The following ZNF518A variants were observed in gnomAD, a reference collection of about 807,000 sequenced individuals.
The protein encoded by ZNF518A is zinc finger protein 518A, also known as zinc finger protein 518.
ZNF518A carries 47 observed loss-of-function variants against 102.7 expected under a neutral mutation model. That is an observed-to-expected ratio of 0.46 (90% CI 0.36 to 0.58). The LOEUF is 0.58. Ranked by LOEUF, ZNF518A falls within the 20% of genes least tolerant of loss-of-function variation. ZNF518A has a pLI of 0.00. For missense variants in ZNF518A, 1,793 were observed against 1,699.8 expected (o/e 1.05, Z -0.96); for synonymous variants, 652 against 594.6 (o/e 1.10, Z -1.40).
chr10:96,194,209 C>T (rs1281755100), intron 1 of ZNF518A, among the ~76,000 whole-genome samples: 2 of 152,148 alleles, frequency 1.3e-5, no homozygotes, highest in Non-Finnish European at 2.9e-5. Flanking sequence ...AGCTTCTTCA[C>T]CCACCCTTAA....
chr10:96,159,273 A>C lies in ZNF518A; in HGVS notation c.2951A>C (p.Asn984Thr), dbSNP rs1164017957. The change falls in exon 6 of 6, where the codon AAT (asparagine) becomes ACT (threonine). Residue 984 changes from asparagine to threonine, a missense_variant. Around this residue, in one of 3 missense-constraint regions of ZNF518A, gnomAD observed 1,741 missense variants for 1,622.6 expected, o/e 1.07. Transcript: ENST00000316045. ...KKPGMVLTLNNGKLEGVSAVK... is the reference protein window; with the variant it reads ...KKPGMVLTLNTGKLEGVSAVK... The stretch of plus-strand genomic sequence containing the variant: ...CCTGGGATGGTTTTAACACTTAATA[A>C]TGGGAAACTTGAAGGTGTTTCCGCT... The C allele has an allele frequency of 1.2e-6, 2 of 1,613,330 alleles. No individual in the cohort carries two copies. The highest frequency in any genetic ancestry group is 1.7e-6 in the Non-Finnish European group (2 of 1,179,720).
intron 1 of ZNF518A, among the ~76,000 whole-genome samples, chr10:96,182,637 T>A (rs2083246828): frequency 6.6e-6 from 1 of 152,242 alleles, no homozygotes; most frequent in Non-Finnish European, 1.5e-5. Flanking sequence ...TTTGCTGATT[T>A]GCATATGTTG....
downstream of ZNF518A, among the ~76,000 whole-genome samples, chr10:96,167,451 CAAAAT>C (rs1401085801): frequency 6.6e-5 from 10 of 152,038 alleles, no homozygotes; most frequent in African/African-American, 2.4e-4. Flanking sequence ...GACTCCACCT[CAAAAT>C]AAATAAGTAA....
chr10:96,143,295 A>G (rs1222938460), intron 3 of ZNF518A, among the ~76,000 whole-genome samples: 1 of 152,138 alleles, frequency 6.6e-6, no homozygotes, highest in Non-Finnish European at 1.5e-5. Context: ...TTCTTAAATT[A>G]ACAATTGCTT....
chr10:96,130,552 C>T lies in ZNF518A; in HGVS notation c.-653C>T, dbSNP rs2081277570. 1 of 152,406 alleles carries T rather than the reference C, an allele frequency of 6.6e-6. No individual in the cohort carries two copies. Among genetic ancestry groups the T allele is most frequent in the African/African-American group, 2.4e-5 (1 of 41,472 alleles). The allele number at this position is 152,406 out of a possible 1,614,324, so 9.4% of individuals were successfully genotyped here. On this transcript the variant is annotated 5_prime_UTR_variant, in exon 1 of 6. Coordinates refer to ENST00000316045, the MANE Select transcript of ZNF518A (RefSeq NM_001330736.2). The stretch of plus-strand genomic sequence containing the variant: ...TTGGGGCGAAGCTGGGCGCGCGGCG[C>T]TCGAAGCACTCACTCGGCGGGTTTC...
intron 1 of ZNF518A, among the ~76,000 whole-genome samples, chr10:96,170,958 A>G (rs1174890735): frequency 1.3e-5 from 2 of 152,168 alleles, no homozygotes; most frequent in East Asian, 1.9e-4. Flanking sequence ...CAAAAAGCAC[A>G]TGAAAAGATG....
At chr10:96,140,187 A>G (rs1293479570) in intron 3 of ZNF518A, among the ~76,000 whole-genome samples, 1 of 152,124 alleles carries the variant, frequency 6.6e-6, no homozygotes, top group Non-Finnish European at 1.5e-5. Context: ...GGAATTGACC[A>G]GGCTTGCTTA....
intron 1 of ZNF518A, chr10:96,189,938 G>A: frequency 1.0e-6 from 1 of 964,188 alleles, no homozygotes; most frequent in Admixed American, 1.7e-5. Flanking sequence ...CACTGGTGGT[G>A]TTATTTCAAA....
chr10:96,184,260 G>A (rs2083257885), intron 1 of ZNF518A, among the ~76,000 whole-genome samples: 2 of 151,776 alleles, frequency 1.3e-5, no homozygotes, highest in African/African-American at 4.9e-5. Flanking sequence ...TATCCAATTT[G>A]CCAGTCTGTG....
intron 1 of ZNF518A, among the ~76,000 whole-genome samples, chr10:96,176,869 C>T (rs2083207694): frequency 6.6e-6 from 1 of 152,134 alleles, no homozygotes; most frequent in African/African-American, 2.4e-5. Context: ...TGCATTCCAG[C>T]CTGGGTGACA....
Position 96,157,975 on chromosome 10 carries a change from T to A in ZNF518A, c.1653T>A (p.Ser551=), listed in dbSNP as rs781875453. 5 of 1,613,818 alleles carry A rather than the reference T, an allele frequency of 3.1e-6. No individual in the cohort carries two copies. The highest frequency in any genetic ancestry group is 3.3e-5 in the Admixed American group (2 of 60,012). The change falls in exon 6 of 6, where the codon TCT becomes TCA. Residue 551 remains serine (S), a synonymous_variant. Transcript: ENST00000316045. The part of the protein sequence containing the change: ...LQTMDYEKSV[S]SLSATSELVT... ...CAATGGATTATGAGAAAAGTGTATCTTCTTTGTCAGCAACATCAGAATTGG... is the reference window on the plus strand; with the variant it reads ...CAATGGATTATGAGAAAAGTGTATCATCTTTGTCAGCAACATCAGAATTGG...
At chr10:96,172,535 TTGTG>T (rs1219102337) in intron 1 of ZNF518A, among the ~76,000 whole-genome samples, 1 of 152,074 alleles carries the variant, frequency 6.6e-6, no homozygotes, top group Non-Finnish European at 1.5e-5. Flanking sequence ...TGTAAACCTA[TTGTG>T]TGTAACAATA....
intron 1 of ZNF518A, among the ~76,000 whole-genome samples, chr10:96,184,754 C>T (rs1041871945): frequency 6.6e-6 from 1 of 152,136 alleles, no homozygotes; most frequent in Non-Finnish European, 1.5e-5. Flanking sequence ...TCATTTCAAC[C>T]TTGGTGAATC....
At chr10:96,143,742 C>T (rs2082045641) in intron 3 of ZNF518A, among the ~76,000 whole-genome samples, 1 of 152,180 alleles carries the variant, frequency 6.6e-6, no homozygotes, top group Admixed American at 6.5e-5. Flanking sequence ...CTCTTGGTTT[C>T]AGTCAGGGTT....
chr10:96,152,279 C>T (rs2082484640), intron 3 of ZNF518A, among the ~76,000 whole-genome samples: 1 of 152,192 alleles, frequency 6.6e-6, no homozygotes, highest in Non-Finnish European at 1.5e-5. Flanking sequence ...CGCCACTGCA[C>T]TCCAGCCTGG....
Position 96,133,566 on chromosome 10 carries a change from C to T in ZNF518A, c.-367-17C>T, listed in dbSNP as rs1218938774. 6.6e-6 allele frequency: 1 copy of T among 152,150 alleles called. No homozygotes were observed. Among genetic ancestry groups the T allele is most frequent in the African/African-American group, 2.4e-5 (1 of 41,438 alleles). The allele number at this position is 152,150 out of a possible 1,614,324, so 9.4% of individuals were successfully genotyped here. A position where few individuals can be genotyped will look rare whatever the true frequency, so the allele number is the denominator to read the frequency against. On this transcript the variant is annotated splice_polypyrimidine_tract_variant and intron_variant, in intron 2 of 5. Coordinates refer to ENST00000316045, the MANE Select transcript of ZNF518A (RefSeq NM_001330736.2). ...ACCCTCAAAACACAGATGTCTCCTACTCTTTGTGTTGGATAGGTCCTGGGA... is the reference window on the plus strand; with the variant it reads ...ACCCTCAAAACACAGATGTCTCCTATTCTTTGTGTTGGATAGGTCCTGGGA...
chr10:96,182,328 C>T (rs2083245054), intron 1 of ZNF518A, among the ~76,000 whole-genome samples: 2 of 152,078 alleles, frequency 1.3e-5, no homozygotes, highest in Non-Finnish European at 2.9e-5. Flanking sequence ...TATTTCTTTG[C>T]CTTGCCTGAT....
In ZNF518A at chr10:96,156,464, G is replaced by T. The variant is rs2082697315; in HGVS notation, c.142G>T (p.Val48Leu). 6.2e-7 allele frequency: 1 copy of T among 1,613,124 alleles called. No homozygotes were observed. The highest frequency in any genetic ancestry group is 1.3e-5 in the African/African-American group (1 of 75,036). ...SGSIHYALKN[V>L]KIDLPKINIP... ...AAGTATTCATTATGCACTAAAAAAT[G>T]TGAAAATTGATTTGCCAAAAATAAA... The change falls in exon 6 of 6, where the codon GTG (valine) becomes TTG (leucine). Residue 48 changes from valine (V) to leucine (L), a missense_variant. Val to Leu is a conservative substitution (Grantham distance 32, BLOSUM62 1). Transcript: ENST00000316045.
intron 1 of ZNF518A, among the ~76,000 whole-genome samples, chr10:96,192,805 A>G (rs1554893832): frequency 6.6e-6 from 1 of 152,248 alleles, no homozygotes; most frequent in African/African-American, 2.4e-5. Flanking sequence ...AACACAGATC[A>G]TGAAATTAAA....
Sources: allele counts gnomAD v4.1 joint callset (sites outside exome capture counted in the v4.1 genomes callset), GRCh38; gene constraint gnomAD v4.1.1; regional missense constraint gnomAD v4.1.1; transcripts MANE v1.5; gene names NCBI Gene and HGNC (gene_info 2026-07-23, HGNC 2026-07-21).